LRRC7: variants seen among roughly 807,000 people sequenced by gnomAD.
LRRC7 encodes leucine-rich repeat-containing protein 7.
A neutral mutation model predicts 175.7 loss-of-function variants in LRRC7; 23 were observed. The observed-to-expected ratio is 0.13, with a 90% CI of 0.09 to 0.19. LRRC7 has a LOEUF of 0.19. Among genes scored for constraint, LRRC7 ranks in the 10% least tolerant of loss-of-function variants. The pLI, the probability that LRRC7 is intolerant of heterozygous loss-of-function variation, is 1.00. For synonymous variants in LRRC7, 685 were observed against 680.9 expected (o/e 1.01, Z -0.09); for missense variants, 1,354 against 1,904.7 (o/e 0.71, Z 5.38).
chr1:69,637,230 C>A (rs963446667), intron 1 of LRRC7, among the ~76,000 whole-genome samples: 7 of 151,902 alleles, frequency 4.6e-5, no homozygotes, highest in African/African-American at 1.7e-4. Flanking sequence ...GAATAAATGT[C>A]TTTAATAGCT....
Position 69,641,724 on chromosome 1 carries a change from C to CT in LRRC7, c.3-36648dup, listed in dbSNP as rs143683375. Among the ~76,000 whole-genome samples, 6 of 150,594 alleles carry CT rather than the reference C, an allele frequency of 4.0e-5. No homozygotes were observed. The South Asian group carries it at 8.4e-4, about 21-fold the overall frequency. On this transcript the variant is annotated intron_variant, in intron 1 of 26. Transcript: ENST00000651989. ...TGTAGCTATATTTTCTATAAGCACA[C>CT]TTTTTTTTTAGAACTTAAACAAATT... is the stretch of plus-strand genomic sequence containing the variant.
intron 7 of LRRC7, among the ~76,000 whole-genome samples, chr1:69,873,060 C>G (rs1453187281): frequency 6.6e-6 from 1 of 152,110 alleles, no homozygotes; most frequent in Non-Finnish European, 1.5e-5. Flanking sequence ...ATGCCTTAAA[C>G]AGTATGCGTT....
chr1:70,029,216 C>T (rs925935384), intron 18 of LRRC7, among the ~76,000 whole-genome samples: 4 of 151,934 alleles, frequency 2.6e-5, no homozygotes, highest in Admixed American at 1.3e-4. Flanking sequence ...TCAATAATAC[C>T]CCAATAATTT....
chr1:69,594,630 A>G (rs975349487), intron 1 of LRRC7, among the ~76,000 whole-genome samples: 1 of 152,176 alleles, frequency 6.6e-6, no homozygotes, highest in Non-Finnish European at 1.5e-5. Context: ...CTCCATCCGT[A>G]CAGACTTTCA....
At chr1:69,773,186 G>A (rs1051328692) in intron 3 of LRRC7, among the ~76,000 whole-genome samples, 1 of 152,104 alleles carries the variant, frequency 6.6e-6, no homozygotes, top group Non-Finnish European at 1.5e-5. Flanking sequence ...GAAGAAAGGG[G>A]GAGAAACTAG....
rs1406270420 is a variant in LRRC7 at position 70,134,634 on chromosome 1, CA to C, written c.*12749del. On this transcript the variant is annotated 3_prime_UTR_variant, in exon 27 of 27. Transcript: ENST00000651989. The stretch of plus-strand genomic sequence containing the variant: ...CTCTGGTGTTTTCCTCCAAAAAAAA[CA>C]ATTTCCTTCTAGCCACATGATCACC... Among the ~76,000 whole-genome samples the C allele has an allele frequency of 6.6e-6, 1 of 152,136 alleles. No individual in the cohort carries two copies. Among genetic ancestry groups the C allele is most frequent in the Non-Finnish European group, 1.5e-5 (1 of 68,030 alleles).
chr1:69,666,097 CT>C (rs1458573144), intron 1 of LRRC7, among the ~76,000 whole-genome samples: 1 of 151,874 alleles, frequency 6.6e-6, no homozygotes, highest in Non-Finnish European at 1.5e-5. Context: ...GGTTTTTGTC[CT>C]TTATTGCATT....
rs149805507 is a variant in LRRC7 at position 69,650,908 on chromosome 1, T to G, written c.3-27473T>G. Among the ~76,000 whole-genome samples the G allele has an allele frequency of 4.3e-4, 65 of 152,360 alleles. No individual in the cohort carries two copies. In the East Asian group the frequency reaches 0.011, roughly 25 times the overall value. On this transcript the variant is annotated intron_variant, in intron 1 of 26. Transcript: ENST00000651989. The stretch of plus-strand genomic sequence containing the variant: ...GGTATATTTTAGCACATTTTTCATT[T>G]GATTATAGCTGCCACTGATATAAAT...
intron 23 of LRRC7, among the ~76,000 whole-genome samples, chr1:70,060,533 C>T (rs1477026104): frequency 1.3e-5 from 2 of 151,788 alleles, no homozygotes; most frequent in East Asian, 3.9e-4. Context: ...GTGAATGTAG[C>T]TTATTTAAAT....
chr1:69,910,518 C>A (rs888598127), intron 7 of LRRC7, among the ~76,000 whole-genome samples: 14 of 152,078 alleles, frequency 9.2e-5, no homozygotes, highest in African/African-American at 2.9e-4. Flanking sequence ...GAACAGCAGA[C>A]CTTGGTGAAC....
chr1:69,910,636 T>C (rs892136284), intron 7 of LRRC7, among the ~76,000 whole-genome samples: 8 of 152,218 alleles, frequency 5.3e-5, no homozygotes, highest in African/African-American at 1.7e-4. Context: ...CCAGTTAGGC[T>C]GCTCGGGGGT....
chr1:69,834,805 C>G lies in LRRC7; in HGVS notation c.526C>G (p.Leu176Val). The G allele has an allele frequency of 6.2e-7, 1 of 1,613,302 alleles. No individual in the cohort carries two copies. Among genetic ancestry groups the G allele is most frequent in the Non-Finnish European group, 8.5e-7 (1 of 1,179,468 alleles). Residue 176 changes from leucine to valine, a missense_variant, in exon 6 of 27, where the codon CTA becomes GTA. Transcript: ENST00000651989. ...SKLPDGFTQL[L>V]NLTQLYLNDA... ...ACTACCTGATGGCTTCACACAGCTC[C>G]TAAACCTGACCCAGCTCTACCTGAA...
chr1:69,745,694 TATTA>T (rs1449150502), intron 2 of LRRC7, among the ~76,000 whole-genome samples: 1 of 151,870 alleles, frequency 6.6e-6, no homozygotes, highest in Non-Finnish European at 1.5e-5. Context: ...CAAAACAATG[TATTA>T]ATTCTTAATA....
chr1:70,017,894 G>GA (rs557141117), intron 14 of LRRC7, among the ~76,000 whole-genome samples: 1 of 151,980 alleles, frequency 6.6e-6, no homozygotes, highest in African/African-American at 2.4e-5. Context: ...TGCATTATGG[G>GA]AAAAAAATAT....
chr1:69,782,527 G>T (rs1053246969), intron 3 of LRRC7, among the ~76,000 whole-genome samples: 2 of 152,214 alleles, frequency 1.3e-5, no homozygotes, highest in South Asian at 2.1e-4. Flanking sequence ...TCAAGGCAGA[G>T]TACACAGGTG....
At chr1:69,646,539 C>G (rs1655028943) in intron 1 of LRRC7, among the ~76,000 whole-genome samples, 1 of 152,158 alleles carries the variant, frequency 6.6e-6, no homozygotes, top group Non-Finnish European at 1.5e-5. Context: ...AAAGTCAACA[C>G]TTCCTAATCT....
At chr1:69,601,607 T>A (rs1416934854) in intron 1 of LRRC7, among the ~76,000 whole-genome samples, 2 of 152,190 alleles carry the variant, frequency 1.3e-5, no homozygotes, top group African/African-American at 4.8e-5. Flanking sequence ...ATCGTATTTT[T>A]CCCCAGTTAA....
At chr1:69,847,608 AC>A (rs1682522948) in intron 7 of LRRC7, among the ~76,000 whole-genome samples, 1 of 152,066 alleles carries the variant, frequency 6.6e-6, no homozygotes, top group Admixed American at 6.6e-5. Flanking sequence ...TGACAGCACT[AC>A]CCACAGAATC....
rs755776254 is a variant in LRRC7, at chr1:70,039,244, G to A, written c.3420G>A (p.Gln1140=). 1.2e-6 allele frequency: 2 copies of A among 1,613,234 alleles called. No homozygotes were observed. The highest frequency in any genetic ancestry group is 1.7e-6 in the Non-Finnish European group (2 of 1,179,932). The change falls in exon 21 of 27, where the codon CAG becomes CAA. Residue 1140 remains glutamine (Q), a synonymous_variant. Transcript: ENST00000651989. ...ATGAGGATGCTGTGGTGAATGCCCA[G>A]TTCGCAAGCCAAGGGGCCAGGGCGG... ...SVNEDAVVNA[Q]FASQGARAGF...
Sources: allele counts gnomAD v4.1 joint callset (sites outside exome capture counted in the v4.1 genomes callset), GRCh38; gene constraint gnomAD v4.1.1; transcripts MANE v1.5; gene names NCBI Gene and HGNC (gene_info 2026-07-23, HGNC 2026-07-21).